RYR2: variants seen among roughly 807,000 people sequenced by gnomAD.
RYR2 encodes the protein cardiac muscle ryanodine receptor-calcium release channel.
In RYR2, 227 loss-of-function variants were observed where a neutral mutation model predicts 601.1. The observed-to-expected ratio is 0.38, with a 90% CI of 0.34 to 0.42. The LOEUF (loss-of-function observed/expected upper bound fraction) is 0.42. Among genes scored for constraint, RYR2 ranks in the 10% least tolerant of loss-of-function variants. The pLI is 1.00. For synonymous variants in RYR2, 2,223 were observed against 2,175.1 expected (o/e 1.02, Z -0.61); for missense variants, 4,646 against 6,156.5 (o/e 0.75, Z 8.21).
intron 1 of RYR2, among the ~76,000 whole-genome samples, chr1:237,122,165 G>A (rs568185370): frequency 1.3e-5 from 2 of 152,312 alleles, no homozygotes; most frequent in East Asian, 1.9e-4. Flanking sequence ...GTTGGAGGCC[G>A]GGGATGCCGA....
chr1:237,827,545 G>A (rs1424067611), intron 101 of RYR2, among the ~76,000 whole-genome samples: 1 of 149,856 alleles, frequency 6.7e-6, no homozygotes, highest in African/African-American at 2.5e-5. Flanking sequence ...CAGGAGGATC[G>A]CTTGAGCCCA....
rs140975664 is a variant in RYR2 at position 237,325,683 on chromosome 1, G to C, written c.169-5195G>C. Reference sequence around the variant, plus strand: ...AGCCTGGGTAACAGGGCCAGACTCTGTCTCAAAAACAAAAACAAAACAAAA... The same window carrying C: ...AGCCTGGGTAACAGGGCCAGACTCTCTCTCAAAAACAAAAACAAAACAAAA... On this transcript the variant is annotated intron_variant, in intron 2 of 104. Coordinates refer to ENST00000366574, the MANE Select transcript of RYR2 (RefSeq NM_001035.3). Among the ~76,000 whole-genome samples the C allele has an allele frequency of 1.1e-3, 172 of 151,834 alleles. 2 individuals carry two copies. Among genetic ancestry groups the C allele is most frequent in the African/African-American group, 3.8e-3 (159 of 41,370 alleles).
intron 17 of RYR2, among the ~76,000 whole-genome samples, chr1:237,481,120 A>ATATATG (rs1553467465): frequency 0.2 from 29,004 of 147,630 alleles, 3,263 homozygotes; most frequent in African/African-American, 0.3. Flanking sequence ...ATATATATAT[A>ATATATG]TATATACACA....
chr1:237,258,502 A>G (rs1210363168), intron 1 of RYR2, among the ~76,000 whole-genome samples: 3 of 152,180 alleles, frequency 2.0e-5, no homozygotes, highest in African/African-American at 7.2e-5. Flanking sequence ...GGGGATGGCA[A>G]AATTTGGGGT....
chr1:237,222,839 G>T, intron 1 of RYR2, among the ~76,000 whole-genome samples: 1 of 152,182 alleles, frequency 6.6e-6, no homozygotes, highest in East Asian at 1.9e-4. Flanking sequence ...GCTGATGTGG[G>T]AGGATTACCT....
chr1:237,597,516 G>A (rs1332696300), intron 34 of RYR2, among the ~76,000 whole-genome samples: 1 of 151,706 alleles, frequency 6.6e-6, no homozygotes, highest in Non-Finnish European at 1.5e-5. Context: ...TCCTGACCTT[G>A]TGATCCGCTC....
chr1:237,196,247 TTTGGAGTCGGATAAC>T (rs1259025810), intron 1 of RYR2, among the ~76,000 whole-genome samples: 2 of 152,126 alleles, frequency 1.3e-5, no homozygotes, highest in Non-Finnish European at 2.9e-5. Flanking sequence ...TTAAAAAAAT[TTTGGAGTCGGATAAC>T]TTGGGTAGAA....
chr1:237,413,571 C>A (rs1283587977), intron 10 of RYR2, among the ~76,000 whole-genome samples: 1 of 151,894 alleles, frequency 6.6e-6, no homozygotes, highest in East Asian at 1.9e-4. Context: ...TTTCTGTATA[C>A]CTTATTACCT....
chr1:237,658,691 T>G (rs10925484), intron 54 of RYR2, among the ~76,000 whole-genome samples: 16,086 of 152,222 alleles, frequency 0.11, 2,442 homozygotes, highest in African/African-American at 0.34. Flanking sequence ...TGAGCCACCA[T>G]GCCTGGCCAG....
intron 12 of RYR2, among the ~76,000 whole-genome samples, chr1:237,439,519 C>A (rs1366613120): frequency 6.6e-6 from 1 of 151,904 alleles, no homozygotes; most frequent in Non-Finnish European, 1.5e-5. Context: ...TGGTGGGCGC[C>A]TGTCGTCCCA....
intron 17 of RYR2, among the ~76,000 whole-genome samples, chr1:237,487,956 C>A (rs1662880860): frequency 6.6e-6 from 1 of 151,964 alleles, no homozygotes; most frequent in African/African-American, 2.4e-5. Context: ...TAATGTTAAA[C>A]CCCAAATTCT....
In RYR2 at chr1:237,506,911, A is replaced by G. The variant is rs1665322128; in HGVS notation, c.2718+97A>G. 3.0e-6 allele frequency: 3 copies of G among 992,266 alleles called. No individual in the cohort carries two copies. The Admixed American group carries it at 6.2e-5, about 20-fold the overall frequency. The allele number at this position is 992,266 out of a possible 1,614,324, so 61.5% of individuals were successfully genotyped here. A position where few individuals can be genotyped will look rare whatever the true frequency, so the allele number is the denominator to read the frequency against. On this transcript the variant is annotated intron_variant, in intron 23 of 104. Transcript: ENST00000366574. ...TTCCCGCTATGGGGTGACATCAATCAGTTAGTTGGATTGATTTTTTTCCCC... is the reference window on the plus strand; with the variant it reads ...TTCCCGCTATGGGGTGACATCAATCGGTTAGTTGGATTGATTTTTTTCCCC...
chr1:237,687,098 C>G (rs1258861831), intron 62 of RYR2, among the ~76,000 whole-genome samples: 1 of 151,896 alleles, frequency 6.6e-6, no homozygotes, highest in Non-Finnish European at 1.5e-5. Flanking sequence ...CAGATAAAAC[C>G]AAATTTTTTC....
At chr1:237,276,848 G>A (rs1250886363) in intron 2 of RYR2, among the ~76,000 whole-genome samples, 1 of 152,060 alleles carries the variant, frequency 6.6e-6, no homozygotes, top group Non-Finnish European at 1.5e-5. Flanking sequence ...CGCCAAGGTC[G>A]GATACTCCCT....
intron 24 of RYR2, among the ~76,000 whole-genome samples, chr1:237,526,709 G>T (rs1463745957): frequency 1.3e-5 from 2 of 151,972 alleles, no homozygotes; most frequent in Non-Finnish European, 2.9e-5. Flanking sequence ...AGTTCTGTGT[G>T]GATTCTGGAT....
At chr1:237,581,313 T>C (rs1433609681) in intron 29 of RYR2, among the ~76,000 whole-genome samples, 1 of 152,134 alleles carries the variant, frequency 6.6e-6, no homozygotes, top group Admixed American at 6.6e-5. Context: ...ATGGTTATAA[T>C]CAAATCCAGA....
Position 237,617,281 on chromosome 1 carries a change from CT to C in RYR2, c.5716-3del. ...AAATTTGGTGTCTTTTTAATGGTCT[CT>C]TAGATGTGCCTACTGCTTCAGTACC... On this transcript the variant is annotated splice_region_variant and splice_polypyrimidine_tract_variant and intron_variant, in intron 37 of 104. Transcript: ENST00000366574. 1 of 1,608,370 alleles carries C rather than the reference CT, an allele frequency of 6.2e-7. No homozygotes were observed.
At chr1:237,397,898 T>G (rs1336067319) in intron 10 of RYR2, among the ~76,000 whole-genome samples, 3 of 151,606 alleles carry the variant, frequency 2.0e-5, no homozygotes, top group African/African-American at 7.3e-5. Flanking sequence ...ATTTTTTGTA[T>G]TTTTAGTAGA....
At chr1:237,828,515 A>G (rs1352426429) in intron 102 of RYR2, 70 bp downstream of exon 102, 1 of 1,003,210 alleles carries the variant, frequency 1.0e-6, no homozygotes, top group African/African-American at 1.6e-5. Flanking sequence ...TACCTTTATC[A>G]ATAGAATCAT....
Sources: allele counts gnomAD v4.1 joint callset (sites outside exome capture counted in the v4.1 genomes callset), GRCh38; gene constraint gnomAD v4.1.1; transcripts MANE v1.5; gene names NCBI Gene and HGNC (gene_info 2026-07-23, HGNC 2026-07-21).